C10orf67: variants seen among roughly 807,000 people sequenced by gnomAD.
The protein encoded by C10orf67 is uncharacterized protein C10orf67, mitochondrial.
A neutral mutation model predicts 35.6 loss-of-function variants in C10orf67; 60 were observed. The observed-to-expected ratio is 1.68, with a 90% CI of 1.37 to 2.09. The LOEUF (loss-of-function observed/expected upper bound fraction) is 2.09. C10orf67 is among the 30% of genes most tolerant of loss of function. The pLI is 0.00. For synonymous variants in C10orf67, 167 were observed against 115.8 expected (o/e 1.44, Z -2.84); for missense variants, 474 against 330.2 (o/e 1.44, Z -3.38).
chr10:23,255,536 C>A (rs563047352), intron 10 of C10orf67, among the ~76,000 whole-genome samples: 5 of 152,172 alleles, frequency 3.3e-5, no homozygotes, highest in Non-Finnish European at 5.9e-5. Flanking sequence ...GGCTCTAGAA[C>A]ATCCTAGACC....
At chr10:23,249,156 A>G (rs970174860) in intron 12 of C10orf67, among the ~76,000 whole-genome samples, 11 of 150,328 alleles carry the variant, frequency 7.3e-5, no homozygotes, top group African/African-American at 2.0e-4. Context: ...AAAAAAAAAA[A>G]AAAAGAAAAC....
intron 2 of C10orf67, among the ~76,000 whole-genome samples, chr10:23,328,605 T>C (rs573115438): frequency 6.6e-6 from 1 of 152,144 alleles, no homozygotes; most frequent in African/African-American, 2.4e-5. Flanking sequence ...CTTGATATTT[T>C]ATGAAGCCAA....
At chr10:23,271,874 T>C (rs1388907514) in intron 8 of C10orf67, among the ~76,000 whole-genome samples, 1 of 152,224 alleles carries the variant, frequency 6.6e-6, no homozygotes, top group Non-Finnish European at 1.5e-5. Flanking sequence ...GGTTTGTTTT[T>C]TCATTAAAAA....
At chr10:23,301,617 G>A (rs997688152) in intron 5 of C10orf67, among the ~76,000 whole-genome samples, 6 of 152,138 alleles carry the variant, frequency 3.9e-5, no homozygotes, top group Non-Finnish European at 8.8e-5. Flanking sequence ...ATGGTGGCAA[G>A]CCTCGTGTTC....
At chr10:23,204,409 G>A in intron 15 of C10orf67, among the ~76,000 whole-genome samples, 154 bp from the exon 16 acceptor site, 1 of 152,184 alleles carries the variant, frequency 6.6e-6, no homozygotes, top group South Asian at 2.1e-4. Flanking sequence ...GAACCTGGAA[G>A]AGAGACGGTG....
At chr10:23,263,538 C>A (rs1037838162) in intron 10 of C10orf67, among the ~76,000 whole-genome samples, 48 of 152,094 alleles carry the variant, frequency 3.2e-4, no homozygotes, top group African/African-American at 1.1e-3. Flanking sequence ...GTACAAATTG[C>A]TTTGTATTGA....
chr10:23,292,712 G>A lies in C10orf67; in HGVS notation c.703-1433C>T, dbSNP rs4443975. Reference sequence around the variant, plus strand: ...ACAAGTGACTTACTAATGAAATTACGTATGGTATATATATGTGTGTGTGTG... The same window carrying A: ...ACAAGTGACTTACTAATGAAATTACATATGGTATATATATGTGTGTGTGTG... On this transcript the variant is annotated intron_variant, in intron 5 of 15. Transcript: ENST00000636213. Among the ~76,000 whole-genome samples the A allele has an allele frequency of 1.4e-3, 203 of 149,540 alleles. 1 individual carries two copies. The highest frequency in any genetic ancestry group is 4.1e-3 in the African/African-American group (170 of 41,418).
chr10:23,324,989 G>A (rs1845124992), intron 2 of C10orf67, among the ~76,000 whole-genome samples: 1 of 152,004 alleles, frequency 6.6e-6, no homozygotes, highest in Admixed American at 6.6e-5. Context: ...CAGTGTTTGG[G>A]TGGGGTCCCA....
At chr10:23,300,177 C>T (rs1229085639) in intron 5 of C10orf67, among the ~76,000 whole-genome samples, 1 of 152,126 alleles carries the variant, frequency 6.6e-6, no homozygotes, top group African/African-American at 2.4e-5. Context: ...TCCCCTGGGG[C>T]AGCGGGCCTT....
At chr10:23,231,132 T>G (rs113589926) in intron 13 of C10orf67, among the ~76,000 whole-genome samples, 191 of 152,194 alleles carry the variant, frequency 1.3e-3, no homozygotes, top group African/African-American at 4.5e-3. Context: ...TTCTATTTTT[T>G]GTAGAGACAG....
At chr10:23,239,883 T>C in intron 12 of C10orf67, 67 bp from the exon 13 acceptor site, 1 of 519,714 alleles carries the variant, frequency 1.9e-6, no homozygotes, top group East Asian at 2.9e-5. Flanking sequence ...ATAAGCATTA[T>C]GTTAATGAGG....
intron 14 of C10orf67, 42 bp downstream of exon 14, chr10:23,223,702 T>A: frequency 1.4e-6 from 1 of 717,016 alleles, no homozygotes. Context: ...TTGAATAATA[T>A]TAACTCAGTA....
At chr10:23,230,609 A>G (rs1375818218) in intron 13 of C10orf67, among the ~76,000 whole-genome samples, 4 of 152,212 alleles carry the variant, frequency 2.6e-5, no homozygotes, top group Non-Finnish European at 4.4e-5. Context: ...CTATGAAAAA[A>G]TAAATGTGAA....
At chr10:23,208,163 T>C (rs1245220386) in intron 15 of C10orf67, among the ~76,000 whole-genome samples, 1 of 152,242 alleles carries the variant, frequency 6.6e-6, no homozygotes, top group African/African-American at 2.4e-5. Context: ...GTTTTTCTTA[T>C]GAACAGGTGA....
intron 1 of C10orf67, among the ~76,000 whole-genome samples, chr10:23,337,181 A>T (rs879331087): frequency 3.3e-5 from 5 of 152,206 alleles, no homozygotes; most frequent in Non-Finnish European, 5.9e-5. Flanking sequence ...AGCTCTAATA[A>T]ATATAGAAAA....
chr10:23,272,144 T>C (rs1353496751), intron 8 of C10orf67, among the ~76,000 whole-genome samples: 1 of 152,242 alleles, frequency 6.6e-6, no homozygotes, highest in Non-Finnish European at 1.5e-5. Flanking sequence ...CTTGAACTCC[T>C]GGGCTCAAGC....
intron 2 of C10orf67, among the ~76,000 whole-genome samples, chr10:23,328,968 G>C (rs371935191): frequency 1.3e-4 from 15 of 116,034 alleles, no homozygotes; most frequent in African/African-American, 4.5e-4. Flanking sequence ...CTGGGCAACA[G>C]AGTGGACCCT....
At chr10:23,209,397 G>A (rs1841245772) in intron 15 of C10orf67, among the ~76,000 whole-genome samples, 1 of 152,012 alleles carries the variant, frequency 6.6e-6, no homozygotes, top group Non-Finnish European at 1.5e-5. Context: ...GAGAGCGTTT[G>A]GAGAATTAAG....
intron 13 of C10orf67, among the ~76,000 whole-genome samples, chr10:23,238,307 C>T (rs1468233827): frequency 6.6e-6 from 1 of 152,330 alleles, no homozygotes; most frequent in Non-Finnish European, 1.5e-5. Context: ...CCTTCCCCAT[C>T]AGTTTTTCTT....
Sources: allele counts gnomAD v4.1 joint callset (sites outside exome capture counted in the v4.1 genomes callset), GRCh38; gene constraint gnomAD v4.1.1; transcripts MANE v1.5; gene names NCBI Gene and HGNC (gene_info 2026-07-23, HGNC 2026-07-21).